COX7B2: variants seen among roughly 807,000 people sequenced by gnomAD.
The protein encoded by COX7B2 is cytochrome c oxidase subunit 7B2, also known as cytochrome c oxidase subunit 7B2, mitochondrial.
For missense variants in COX7B2, 109 were observed against 95.9 expected (o/e 1.14, Z -0.57); for synonymous variants, 37 against 32.1 (o/e 1.15, Z -0.51).
chr4:46,745,031 C>T (rs1343772194), intron 2 of COX7B2, among the ~76,000 whole-genome samples: 1 of 152,028 alleles, frequency 6.6e-6, no homozygotes, highest in Non-Finnish European at 1.5e-5. Context: ...TGTGCCCAGC[C>T]AGATATTTTA....
intron 2 of COX7B2, among the ~76,000 whole-genome samples, chr4:46,745,965 C>A (rs1714998759): frequency 6.6e-6 from 1 of 152,254 alleles, no homozygotes; most frequent in East Asian, 1.9e-4. Flanking sequence ...TTAACATAAT[C>A]ATCTGAATAT....
intron 1 of COX7B2, among the ~76,000 whole-genome samples, chr4:46,859,657 G>C (rs549093107): frequency 2.6e-5 from 4 of 152,172 alleles, no homozygotes; most frequent in Admixed American, 2.6e-4. Flanking sequence ...TTTCTGGTTC[G>C]AATAGGATGA....
At chr4:46,749,605 A>T (rs1715227007) in intron 2 of COX7B2, among the ~76,000 whole-genome samples, 1 of 152,200 alleles carries the variant, frequency 6.6e-6, no homozygotes, top group South Asian at 2.1e-4. Flanking sequence ...TTGCATCTGA[A>T]GTACACTAAT....
chr4:46,766,884 T>C (rs1329101142), intron 2 of COX7B2, among the ~76,000 whole-genome samples: 1 of 151,458 alleles, frequency 6.6e-6, no homozygotes, highest in Non-Finnish European at 1.5e-5. Flanking sequence ...GAGAAAAGAA[T>C]CAAAGCCTAC....
rs537753473 is a variant in COX7B2, at chr4:46,760,591, G to A, written c.-49-25350C>T. ...GGGTCTGGGGGAGGGATAGCATTAG[G>A]AGAAATACCTAAAGTAGATGATGGG... On this transcript the variant is annotated intron_variant, in intron 2 of 2. Coordinates refer to ENST00000355591, the MANE Select transcript of COX7B2 (RefSeq NM_130902.3). Among the ~76,000 whole-genome samples, 157 of 152,192 alleles carry A rather than the reference G, an allele frequency of 1.0e-3. 1 individual carries two copies. The Middle Eastern group carries it at 0.014, about 13-fold the overall frequency.
intron 2 of COX7B2, among the ~76,000 whole-genome samples, chr4:46,794,570 T>A (rs376897482): frequency 6.6e-6 from 1 of 152,052 alleles, no homozygotes; most frequent in Non-Finnish European, 1.5e-5. Context: ...CTTAAAGAGC[T>A]CTGTAATTGC....
At chr4:46,783,093 G>A (rs1176943646) in intron 2 of COX7B2, among the ~76,000 whole-genome samples, 1 of 152,072 alleles carries the variant, frequency 6.6e-6, no homozygotes, top group Non-Finnish European at 1.5e-5. Flanking sequence ...CTAAAAATGG[G>A]GTACATGAAA....
At chr4:46,879,171 G>A (rs936591293) in intron 1 of COX7B2, among the ~76,000 whole-genome samples, 1 of 151,482 alleles carries the variant, frequency 6.6e-6, no homozygotes, top group African/African-American at 2.4e-5. Context: ...TTGCCCAGAC[G>A]AAGTACAATG....
intron 2 of COX7B2, among the ~76,000 whole-genome samples, chr4:46,743,761 C>T (rs1714850524): frequency 6.6e-6 from 1 of 152,058 alleles, no homozygotes; most frequent in Admixed American, 6.5e-5. Context: ...ACATGCCATG[C>T]TTTTTTTCCC....
At chr4:46,810,536 C>G (rs532085702) in intron 2 of COX7B2, among the ~76,000 whole-genome samples, 1 of 151,894 alleles carries the variant, frequency 6.6e-6, no homozygotes, top group African/African-American at 2.4e-5. Flanking sequence ...TACAAAAACT[C>G]GAGACTTTAA....
chr4:46,743,348 C>G lies in COX7B2; in HGVS notation c.-49-8107G>C, dbSNP rs1714823482. ...GATCACAATTACTTTGCACAGGTAT[C>G]TAAAAAGGACAAACCTCTGAGAATC... On this transcript the variant is annotated intron_variant, in intron 2 of 2. Coordinates refer to ENST00000355591, the MANE Select transcript of COX7B2 (RefSeq NM_130902.3). Among the ~76,000 whole-genome samples, 2 of 152,060 alleles carry G rather than the reference C, an allele frequency of 1.3e-5. 1 individual carries two copies. The highest frequency in any genetic ancestry group is 4.1e-4 in the South Asian group (2 of 4,828).
intron 2 of COX7B2, among the ~76,000 whole-genome samples, chr4:46,750,273 A>T (rs1026002454): frequency 6.0e-5 from 9 of 151,162 alleles, no homozygotes; most frequent in Non-Finnish European, 8.8e-5. Flanking sequence ...ACATGCCTGT[A>T]GTCCTAGCTA....
intron 1 of COX7B2, among the ~76,000 whole-genome samples, chr4:46,865,798 T>A (rs780887120): frequency 2.0e-5 from 3 of 152,108 alleles, no homozygotes; most frequent in Non-Finnish European, 2.9e-5. Flanking sequence ...GTCATCAACA[T>A]CCCCAGGATA....
intron 2 of COX7B2, among the ~76,000 whole-genome samples, chr4:46,740,674 A>G (rs1350185222): frequency 6.6e-6 from 1 of 152,114 alleles, no homozygotes; most frequent in African/African-American, 2.4e-5. Flanking sequence ...ATGTTAGTTA[A>G]CTATTGATGG....
At chr4:46,788,171 G>T (rs992082697) in intron 2 of COX7B2, among the ~76,000 whole-genome samples, 1 of 152,062 alleles carries the variant, frequency 6.6e-6, no homozygotes, top group Non-Finnish European at 1.5e-5. Flanking sequence ...TAAGAAAGAA[G>T]CTCCATATTG....
chr4:46,812,277 C>G (rs778954663), intron 2 of COX7B2, among the ~76,000 whole-genome samples: 4 of 152,020 alleles, frequency 2.6e-5, no homozygotes, highest in Non-Finnish European at 5.9e-5. Flanking sequence ...AGGCCTATCT[C>G]TCTGAGGCAC....
At chr4:46,755,191 T>G (rs1427665993) in intron 2 of COX7B2, among the ~76,000 whole-genome samples, 1 of 151,978 alleles carries the variant, frequency 6.6e-6, no homozygotes, top group African/African-American at 2.4e-5. Context: ...AAAAACCACA[T>G]GATCATCTCA....
intron 1 of COX7B2, among the ~76,000 whole-genome samples, chr4:46,878,020 T>TACACAC (rs58928264): frequency 0.021 from 3,144 of 147,648 alleles, 50 homozygotes; most frequent in Middle Eastern, 0.07. Flanking sequence ...TTGTAGTGCA[T>TACACAC]ACACACACAC....
At chr4:46,867,216 G>C (rs1380500835) in intron 1 of COX7B2, among the ~76,000 whole-genome samples, 1 of 152,132 alleles carries the variant, frequency 6.6e-6, no homozygotes, top group Admixed American at 6.6e-5. Flanking sequence ...TCCAATGTTA[G>C]CAAGTGCCTA....
Sources: allele counts gnomAD v4.1 joint callset (sites outside exome capture counted in the v4.1 genomes callset), GRCh38; gene constraint gnomAD v4.1.1; transcripts MANE v1.5; gene names NCBI Gene and HGNC (gene_info 2026-07-23, HGNC 2026-07-21).